The following PARD3 variants were observed in gnomAD, a reference collection of about 807,000 sequenced individuals.
PARD3 encodes the protein partitioning defective 3 homolog.
A neutral mutation model predicts 155.4 loss-of-function variants in PARD3; 75 were observed. The observed-to-expected ratio is 0.48, with a 90% CI of 0.40 to 0.58. The LOEUF is 0.58. Among genes scored for constraint, PARD3 ranks in the 20% least tolerant of loss-of-function variants. PARD3 has a pLI of 0.00. For synonymous variants in PARD3, 576 were observed against 610.5 expected (o/e 0.94, Z 0.83); for missense variants, 1,642 against 1,721.7 (o/e 0.95, Z 0.82).
At chr10:34,289,126 A>G (rs1463155600) in intron 20 of PARD3, among the ~76,000 whole-genome samples, 2 of 151,948 alleles carry the variant, frequency 1.3e-5, no homozygotes, top group East Asian at 3.9e-4. Context: ...TACCATGCTC[A>G]GCTAATTTTT....
chr10:34,365,359 A>AT (rs2134551708), intron 12 of PARD3, among the ~76,000 whole-genome samples: 1 of 152,316 alleles, frequency 6.6e-6, no homozygotes, highest in Admixed American at 6.5e-5. Context: ...TGACTAAGAA[A>AT]TTGAGTTTTA....
intron 2 of PARD3, among the ~76,000 whole-genome samples, chr10:34,532,071 C>T (rs945609521): frequency 1.3e-5 from 2 of 152,116 alleles, no homozygotes; most frequent in African/African-American, 4.8e-5. Context: ...TTTAATATTG[C>T]ATCTTTATGG....
At chr10:34,174,527 G>GT (rs1456526699) in intron 22 of PARD3, among the ~76,000 whole-genome samples, 1 of 152,190 alleles carries the variant, frequency 6.6e-6, no homozygotes, top group Non-Finnish European at 1.5e-5. Context: ...GGGGCGTGGA[G>GT]TCCTGAAACC....
At chr10:34,650,913 A>T (rs772553531) in intron 2 of PARD3, among the ~76,000 whole-genome samples, 1 of 148,648 alleles carries the variant, frequency 6.7e-6, no homozygotes, top group Non-Finnish European at 1.5e-5. Flanking sequence ...CGGGAGGCTG[A>T]GGCAGGAAAA....
intron 22 of PARD3, among the ~76,000 whole-genome samples, chr10:34,216,920 C>A (rs1952028325): frequency 6.6e-6 from 1 of 152,154 alleles, no homozygotes; most frequent in African/African-American, 2.4e-5. Flanking sequence ...AAACTCTGTC[C>A]CCATCCCCAT....
chr10:34,501,750 A>G (rs1362109059), intron 3 of PARD3, among the ~76,000 whole-genome samples: 1 of 151,822 alleles, frequency 6.6e-6, no homozygotes, highest in African/African-American at 2.4e-5. Flanking sequence ...AAAAAAAAAG[A>G]TGTCTACATC....
intron 22 of PARD3, among the ~76,000 whole-genome samples, chr10:34,240,474 C>A (rs925490047): frequency 6.6e-6 from 1 of 152,190 alleles, no homozygotes; most frequent in Non-Finnish European, 1.5e-5. Flanking sequence ...AAGCTTTAGT[C>A]AAAGGGATCA....
chr10:34,418,214 C>T (rs1381691046), intron 5 of PARD3, among the ~76,000 whole-genome samples: 2 of 152,042 alleles, frequency 1.3e-5, no homozygotes, highest in Admixed American at 6.6e-5. Flanking sequence ...CTTGTTCTAT[C>T]GCCCGACTGG....
chr10:34,331,470 T>C, intron 18 of PARD3, 126 bp from the exon 19 acceptor site: 1 of 577,344 alleles, frequency 1.7e-6, no homozygotes, highest in South Asian at 2.5e-5. Flanking sequence ...GGAATGCAGA[T>C]GGAAAAGACA....
intron 2 of PARD3, among the ~76,000 whole-genome samples, chr10:34,545,473 G>GA (rs1380590730): frequency 6.6e-6 from 1 of 152,038 alleles, no homozygotes; most frequent in Non-Finnish European, 1.5e-5. Context: ...GACATTGACA[G>GA]AAAAAATATT....
chr10:34,450,343 C>CCAA lies in PARD3; in HGVS notation c.687_688insTTG (p.Val229_Gly230insLeu). ...TGTTCTTGTTTCTCCAGCCACTTGC[C>CCAA]CACCATTGGGTGACTGGCACTCAGA... On this transcript the variant is annotated inframe_insertion, in exon 5 of 25. Coordinates refer to ENST00000374788, the MANE Select transcript of PARD3 (RefSeq NM_001184785.2). The CCAA allele has an allele frequency of 6.2e-7, 1 of 1,613,814 alleles. No homozygotes were observed. Among genetic ancestry groups the CCAA allele is most frequent in the Non-Finnish European group, 8.5e-7 (1 of 1,179,874 alleles).
intron 1 of PARD3, among the ~76,000 whole-genome samples, chr10:34,814,350 C>T (rs1314157521): frequency 6.6e-6 from 1 of 152,112 alleles, no homozygotes; most frequent in Non-Finnish European, 1.5e-5. Context: ...CCCCCCGCCG[C>T]TGTTCCGCCC....
chr10:34,624,613 G>C (rs928333044), intron 2 of PARD3, among the ~76,000 whole-genome samples: 1 of 152,348 alleles, frequency 6.6e-6, no homozygotes. Context: ...ACCAGGAGGA[G>C]GACAGGCCTT....
intron 2 of PARD3, among the ~76,000 whole-genome samples, chr10:34,620,524 ACAAT>A (rs1198754145): frequency 2.0e-5 from 3 of 152,266 alleles, no homozygotes; most frequent in South Asian, 2.1e-4. Context: ...TATTAAAAAG[ACAAT>A]CAAAGGAAAC....
At chr10:34,606,733 G>T (rs570576732) in intron 2 of PARD3, among the ~76,000 whole-genome samples, 1 of 151,480 alleles carries the variant, frequency 6.6e-6, no homozygotes, top group Non-Finnish European at 1.5e-5. Context: ...ACTTTGGGAG[G>T]CCAAGGCGGG....
At chr10:34,479,410 C>T (rs577272472) in intron 3 of PARD3, among the ~76,000 whole-genome samples, 5 of 152,268 alleles carry the variant, frequency 3.3e-5, no homozygotes, top group African/African-American at 1.2e-4. Context: ...ATCCGCCCAC[C>T]TCGGCCTCCC....
chr10:34,790,454 T>TC (rs1233079913), intron 1 of PARD3, among the ~76,000 whole-genome samples: 1 of 152,156 alleles, frequency 6.6e-6, no homozygotes, highest in Non-Finnish European at 1.5e-5. Flanking sequence ...AACTCTGCTC[T>TC]CCCCCTGATA....
At position 34,224,689 on chromosome 10, in the gene PARD3, C is replaced by A. The variant is rs1036229618; in HGVS notation, c.3419+44968G>T. On this transcript the variant is annotated intron_variant, in intron 22 of 24. Coordinates refer to ENST00000374788, the MANE Select transcript of PARD3 (RefSeq NM_001184785.2). ...CTGCAATCAATAGGGGGCCATGAAA[C>A]CCTCGGCCAAACAAAGCGCAGAATG... Among the ~76,000 whole-genome samples, 19 of 152,144 alleles carry A rather than the reference C, an allele frequency of 1.2e-4. No homozygotes were observed. The East Asian group carries it at 3.7e-3, about 29-fold the overall frequency.
chr10:34,249,991 C>A (rs952640215), intron 22 of PARD3, among the ~76,000 whole-genome samples: 1 of 152,288 alleles, frequency 6.6e-6, no homozygotes, highest in Middle Eastern at 3.4e-3. Flanking sequence ...ACACGAGATG[C>A]TTTGTTCTTT....
Sources: gnomAD v4.1 joint callset for allele counts (sites outside exome capture counted in the v4.1 genomes callset) on GRCh38, gnomAD v4.1.1 for gene constraint, MANE v1.5 for transcripts, NCBI Gene and HGNC (gene_info 2026-07-23, HGNC 2026-07-21) for gene names.